Variants in AOC3 observed in about 807,000 individuals in gnomAD.
AOC3 encodes the protein amine oxidase copper containing 3, also known as amine oxidase [copper-containing] 3.
Under a neutral mutation model 55.4 loss-of-function variants are expected in AOC3, and 47 were observed. That is an observed-to-expected ratio of 0.85 (90% CI 0.67 to 1.08). The LOEUF (loss-of-function observed/expected upper bound fraction) is 1.08. Ranked by LOEUF, AOC3 falls within the 50% of genes least tolerant of loss-of-function variation. The pLI, the probability that AOC3 is intolerant of heterozygous loss-of-function variation, is 0.00. For missense variants in AOC3, 853 were observed against 993.1 expected, an observed-to-expected ratio of 0.86 and a Z score of 1.90; for synonymous variants, 386 against 410.7, an observed-to-expected ratio of 0.94 and a Z score of 0.73.
intron 1 of AOC3, chr17:42,853,436 C>G (rs2055703507): frequency 2.0e-6 from 2 of 985,492 alleles, no homozygotes; most frequent in Non-Finnish European, 1.2e-6. Flanking sequence ...TTTCTCTGGG[C>G]ACAATTCACC....
chr17:42,854,506 G>T lies in AOC3; in HGVS notation c.1659G>T (p.Trp553Cys). The T allele has an allele frequency of 1.2e-6, 2 of 1,604,062 alleles. No individual in the cohort carries two copies. The highest frequency in any genetic ancestry group is 8.5e-7 in the Non-Finnish European group (1 of 1,174,210). The change falls in exon 2 of 4, where the codon TGG becomes TGT. Residue 553 changes from tryptophan to cysteine, a missense_variant. Transcript: ENST00000308423. ...TCTTTGTCCCCATGGCTGTGCCCTG[G>T]AGCCCTGAGCACCAGCTGCAGAGGC... Reference protein sequence around the residue: ...DMVFVPMAVPWSPEHQLQRLQ... With the variant: ...DMVFVPMAVPCSPEHQLQRLQ...
Position 42,857,916 on chromosome 17 carries a change from G to A in AOC3, c.*1366G>A, listed in dbSNP as rs1328750860. ...TGTGTATAGCGCACTTCCCATTTGT[G>A]TTTCAGAAAGGAGTAGAATATAAAC... On this transcript the variant is annotated 3_prime_UTR_variant, in exon 4 of 4. Transcript: ENST00000308423. The A allele has an allele frequency of 6.6e-6, 1 of 152,174 alleles. No homozygotes were observed. Among genetic ancestry groups the A allele is most frequent in the Non-Finnish European group, 1.5e-5 (1 of 68,044 alleles). The allele number at this position is 152,174 out of a possible 1,614,324, so 9.4% of individuals were successfully genotyped here.
rs113316620 is a variant in AOC3 at position 42,852,634 on chromosome 17, G to A, written c.1291G>A (p.Val431Met). The A allele has an allele frequency of 4.5e-5, 72 of 1,614,194 alleles. 3 individuals are homozygous for A. The highest frequency in any genetic ancestry group is 3.5e-4 in the African/African-American group (26 of 75,038). ...APKTIRDAFC[V>M]FEQNQGLPLR... is the part of the protein sequence containing the mutation. ...CAAGACAATACGTGATGCCTTTTGT[G>A]TGTTTGAACAGAACCAGGGCCTCCC... Residue 431 changes from valine to methionine, a missense_variant, in exon 1 of 4, where the codon GTG becomes ATG. Physicochemically the swap from Val to Met is conservative, Grantham distance 21. Coordinates refer to ENST00000308423, the MANE Select transcript of AOC3 (RefSeq NM_003734.4).
Position 42,851,682 on chromosome 17 carries a change from G to A in AOC3, c.339G>A (p.Leu113=), listed in dbSNP as rs1355208516. The change falls in exon 1 of 4, where the codon TTG becomes TTA. Residue 113 remains leucine (L), a synonymous_variant. Coordinates refer to ENST00000308423, the MANE Select transcript of AOC3 (RefSeq NM_003734.4). ...LPPKAAALAH[L]DRGSPPPARE... ...CCAAGGCTGCAGCCCTGGCTCACTTGGACAGGGGGAGCCCCCCACCTGCCC... is the reference window on the plus strand; with the variant it reads ...CCAAGGCTGCAGCCCTGGCTCACTTAGACAGGGGGAGCCCCCCACCTGCCC... The A allele has an allele frequency of 4.3e-6, 7 of 1,612,504 alleles. No homozygotes were observed. The highest frequency in any genetic ancestry group is 2.2e-5 in the East Asian group (1 of 44,862).
chr17:42,855,843 A>G (rs2055741885), intron 3 of AOC3, among the ~76,000 whole-genome samples: 1 of 152,096 alleles, frequency 6.6e-6, no homozygotes, highest in Non-Finnish European at 1.5e-5. Flanking sequence ...CTCAGGAGGG[A>G]TGGAAGTTAC....
In AOC3 at chr17:42,854,586, G is replaced by T. The variant is rs767383520; in HGVS notation, c.1739G>T (p.Gly580Val). ...EMEEQAAFLV[G>V]SATPRYLYLA... ...GAGGAGCAGGCCGCCTTCCTCGTGG[G>T]AAGCGCCACCCCTCGCTACCTGTAC... is the stretch of plus-strand genomic sequence containing the variant. The change falls in exon 2 of 4, where the codon GGA (glycine) becomes GTA (valine). Residue 580 changes from glycine (G) to valine (V), a missense_variant. Coordinates refer to ENST00000308423, the MANE Select transcript of AOC3 (RefSeq NM_003734.4). The T allele has an allele frequency of 6.2e-7, 1 of 1,609,602 alleles. No homozygotes were observed. Among genetic ancestry groups the T allele is most frequent in the African/African-American group, 1.3e-5 (1 of 74,902 alleles).
chr17:42,854,851 C>CTT (rs34666602), intron 2 of AOC3, 118 bp downstream of exon 2: 3,900 of 725,706 alleles, frequency 5.4e-3, no homozygotes, highest in Non-Finnish European at 6.3e-3. Context: ...TTTTCTTTTC[C>CTT]TTTTTTTTTT....
chr17:42,852,699 T>TG lies in AOC3; in HGVS notation c.1361dup (p.Leu455SerfsTer18). 6.2e-7 allele frequency: 1 copy of TG among 1,614,180 alleles called. No homozygotes were observed. Among genetic ancestry groups the TG allele is most frequent in the South Asian group, 1.1e-5 (1 of 91,082 alleles). On this transcript the variant is annotated frameshift_variant, in exon 1 of 4. Coordinates refer to ENST00000308423, the MANE Select transcript of AOC3 (RefSeq NM_003734.4). LOFTEE classifies it high-confidence loss of function. Reference sequence around the variant, plus strand: ...ACTCAGATCTCTACTCGCACTACTTTGGGGGTCTTGCGGAAACGGTGCTGG... The same window carrying TG: ...ACTCAGATCTCTACTCGCACTACTTTGGGGGGTCTTGCGGAAACGGTGCTGG...
At chr17:42,853,042 G>T in intron 1 of AOC3, 99 bp downstream of exon 1, 3 of 1,429,186 alleles carry the variant, frequency 2.1e-6, no homozygotes, top group Non-Finnish European at 2.8e-6. Context: ...AAAGGAAGAC[G>T]TGGATTTTTG....
Position 42,852,653 on chromosome 17 carries a change from G to A in AOC3, c.1310G>A (p.Gly437Asp), listed in dbSNP as rs1427706524. The A allele has an allele frequency of 6.2e-7, 1 of 1,614,108 alleles. No individual in the cohort carries two copies. Among genetic ancestry groups the A allele is most frequent in the Non-Finnish European group, 8.5e-7 (1 of 1,180,032 alleles). Residue 437 changes from glycine (G) to aspartate (D), a missense_variant, in exon 1 of 4, where the codon GGC (glycine) becomes GAC (aspartate). Physicochemically the swap from Gly to Asp is moderately conservative, Grantham distance 94 (BLOSUM62 -1). Coordinates refer to ENST00000308423, the MANE Select transcript of AOC3 (RefSeq NM_003734.4). ...TTTTGTGTGTTTGAACAGAACCAGG[G>A]CCTCCCCCTGCGGCGACACCACTCA... ...DAFCVFEQNQ[G>D]LPLRRHHSDL...
Position 42,854,567 on chromosome 17 carries a change from C to T in AOC3, c.1720C>T (p.Gln574Ter). Residue 574 changes from glutamine to a stop codon, truncating the protein, a stop_gained, in exon 2 of 4, where the codon CAG becomes TAG. Transcript: ENST00000308423. LOFTEE classifies it high-confidence loss of function. ...VTRKLLEMEEQAAFLVGSATP... is the reference protein window; with the variant it reads ...VTRKLLEMEE ...CCGGAAGCTGCTGGAGATGGAGGAG[C>T]AGGCCGCCTTCCTCGTGGGAAGCGC... 6.2e-7 allele frequency: 1 copy of T among 1,610,920 alleles called. No individual in the cohort carries two copies. Among genetic ancestry groups the T allele is most frequent in the Non-Finnish European group, 8.5e-7 (1 of 1,178,556 alleles).
chr17:42,853,356 C>T, intron 1 of AOC3: 5 of 1,015,236 alleles, frequency 4.9e-6, no homozygotes, highest in Non-Finnish European at 4.7e-6. Context: ...ACGTCCCTGG[C>T]ATGTGCAGGT....
rs1205211460 is a variant in AOC3 at position 42,856,539 on chromosome 17, T to C, written c.2281T>C (p.Ser761Pro). ...DLPAFSHGGF[S>P]HN Reference sequence around the variant, plus strand: ...CCCTGCCTTCTCCCACGGGGGCTTCTCTCACAACTAGGCGGTCCTGGGATG... The same window carrying C: ...CCCTGCCTTCTCCCACGGGGGCTTCCCTCACAACTAGGCGGTCCTGGGATG... Residue 761 changes from serine (S) to proline (P), a missense_variant, in exon 4 of 4, where the codon TCT becomes CCT. Transcript: ENST00000308423. The C allele has an allele frequency of 6.3e-7, 1 of 1,599,064 alleles. No homozygotes were observed. Among genetic ancestry groups the C allele is most frequent in the Non-Finnish European group, 8.5e-7 (1 of 1,170,602 alleles).
chr17:42,856,018 G>A lies in AOC3; in HGVS notation c.2017-257G>A, dbSNP rs576557034. Among the ~76,000 whole-genome samples, 5 of 152,334 alleles carry A rather than the reference G, an allele frequency of 3.3e-5. No homozygotes were observed. The East Asian group carries it at 9.6e-4, about 29-fold the overall frequency. Reference sequence around the variant, plus strand: ...GAGAGTTAGGGGAAGAGGAGCTGAAGTAGCCTGTGGGTGTCACCCTCTGGG... The same window carrying A: ...GAGAGTTAGGGGAAGAGGAGCTGAAATAGCCTGTGGGTGTCACCCTCTGGG... On this transcript the variant is annotated intron_variant, in intron 3 of 3. Coordinates refer to ENST00000308423, the MANE Select transcript of AOC3 (RefSeq NM_003734.4).
rs1449163206 is a variant in AOC3 at position 42,852,041 on chromosome 17, T to G, written c.698T>G (p.Ile233Ser). The change falls in exon 1 of 4, where the codon ATC (isoleucine) becomes AGC (serine). Residue 233 changes from isoleucine (I) to serine (S), a missense_variant. Transcript: ENST00000308423. The part of the protein sequence containing the change: ...RATWFGLYYN[I>S]SGAGFFLHHV... Reference sequence around the variant, plus strand: ...ACCTGGTTTGGCCTCTACTACAACATCTCGGGCGCTGGGTTCTTCCTGCAC... The same window carrying G: ...ACCTGGTTTGGCCTCTACTACAACAGCTCGGGCGCTGGGTTCTTCCTGCAC... 1 of 1,613,824 alleles carries G rather than the reference T, an allele frequency of 6.2e-7. No homozygotes were observed. The highest frequency in any genetic ancestry group is 8.5e-7 in the Non-Finnish European group (1 of 1,179,848).
At chr17:42,853,062 T>C in intron 1 of AOC3, 119 bp downstream of exon 1, 1 of 1,372,230 alleles carries the variant, frequency 7.3e-7, no homozygotes, top group Non-Finnish European at 9.7e-7. Flanking sequence ...GTACTTCCCC[T>C]TTTGCTGGAT....
At chr17:42,854,929 C>T (rs1286514532) in intron 2 of AOC3, among the ~76,000 whole-genome samples, 196 bp downstream of exon 2, 1 of 151,066 alleles carries the variant, frequency 6.6e-6, no homozygotes, top group African/African-American at 2.4e-5. Context: ...TCACTGCATC[C>T]TCCGCCTCCC....
intron 1 of AOC3, among the ~76,000 whole-genome samples, chr17:42,853,517 C>T (rs921607210): frequency 2.6e-5 from 4 of 152,104 alleles, no homozygotes; most frequent in African/African-American, 9.7e-5. Context: ...ACAGAGAGAG[C>T]CAAGGCTACA....
In AOC3 at chr17:42,856,575, C is replaced by T. The variant is rs758926185; in HGVS notation, c.*25C>T. Reference sequence around the variant, plus strand: ...GGCGGTCCTGGGATGGGGCATGTGGCCAAGGGCTCCAGGGCCAGGGTGTGA... The same window carrying T: ...GGCGGTCCTGGGATGGGGCATGTGGTCAAGGGCTCCAGGGCCAGGGTGTGA... On this transcript the variant is annotated 3_prime_UTR_variant, in exon 4 of 4. Transcript: ENST00000308423. The T allele has an allele frequency of 3.3e-5, 47 of 1,439,900 alleles. No homozygotes were observed. Among genetic ancestry groups the T allele is most frequent in the Middle Eastern group, 4.8e-4 (2 of 4,134 alleles). 89.2% of individuals were successfully genotyped at this position (1,439,900 alleles called of 1,614,324 possible).
Sources: allele counts gnomAD v4.1 joint callset (sites outside exome capture counted in the v4.1 genomes callset), GRCh38; gene constraint gnomAD v4.1.1; transcripts MANE v1.5; gene names NCBI Gene and HGNC (gene_info 2026-07-23, HGNC 2026-07-21).